CSRNP3: variants seen among roughly 807,000 people sequenced by gnomAD.
The protein encoded by CSRNP3 is cysteine/serine-rich nuclear protein 3.
A neutral mutation model predicts 48.0 loss-of-function variants in CSRNP3; 12 were observed. The ratio of observed to expected loss-of-function variants is 0.25; its 90% CI spans 0.16 to 0.41. CSRNP3 has a LOEUF of 0.41. Ranked by LOEUF, CSRNP3 falls within the 10% of genes least tolerant of loss-of-function variation. The probability of loss-of-function intolerance (pLI) is 1.00; values close to 1 mark genes in which losing one functional copy is unlikely to be tolerated. For synonymous variants in CSRNP3, 263 were observed against 269.7 expected (o/e 0.98, Z 0.24); for missense variants, 580 against 724.4 (o/e 0.80, Z 2.29).
At chr2:165,559,796 C>CTTTTTTT (rs11313094) in intron 3 of CSRNP3, among the ~76,000 whole-genome samples, 82 of 98,392 alleles carry the variant, frequency 8.3e-4, no homozygotes, top group African/African-American at 9.6e-4. Flanking sequence ...TTCTTTCTTT[C>CTTTTTTT]TTTTTTTTTT....
intron 3 of CSRNP3, among the ~76,000 whole-genome samples, chr2:165,524,275 A>G (rs1323669023): frequency 6.6e-6 from 1 of 152,184 alleles, no homozygotes; most frequent in Non-Finnish European, 1.5e-5. Flanking sequence ...CAATTCTTTA[A>G]CTACTTGGGG....
At chr2:165,676,694 T>TACA in intron 6 of CSRNP3, 86 bp downstream of exon 6, 3 of 1,256,386 alleles carry the variant, frequency 2.4e-6, no homozygotes, top group Non-Finnish European at 3.3e-6. Flanking sequence ...ATAATGAAGC[T>TACA]TCCCACATGT....
At chr2:165,575,314 A>G (rs1371669619) in intron 3 of CSRNP3, among the ~76,000 whole-genome samples, 5 of 152,170 alleles carry the variant, frequency 3.3e-5, no homozygotes, top group African/African-American at 4.8e-5. Flanking sequence ...AAACAGTACA[A>G]TCAAACTGTT....
Position 165,569,223 on chromosome 2 carries a change from G to T in CSRNP3, c.-23-25820G>T, listed in dbSNP as rs965260883. Among the ~76,000 whole-genome samples the T allele has an allele frequency of 2.0e-5, 3 of 152,170 alleles. No homozygotes were observed. In the South Asian group the frequency reaches 6.2e-4, roughly 32 times the overall value. On this transcript the variant is annotated intron_variant, in intron 3 of 6. Transcript: ENST00000651982. ...ACTTCTCTGAATGTGTTGTGAAGGA[G>T]AAGAAAATATAGCAAGAAAATCCAG...
chr2:165,624,451 C>T (rs1686394452), intron 4 of CSRNP3, among the ~76,000 whole-genome samples: 1 of 152,130 alleles, frequency 6.6e-6, no homozygotes, highest in Non-Finnish European at 1.5e-5. Context: ...GATTTAAGCT[C>T]ACAATTTCCT....
At position 165,679,802 on chromosome 2, in the gene CSRNP3, A is replaced by G. The variant is rs1687502537; in HGVS notation, c.*49A>G. Reference sequence around the variant, plus strand: ...ACTCTTCTCTTATTTAAGGCACTGTATTTAATTGGATTTCCTGGGCTCATC... The same window carrying G: ...ACTCTTCTCTTATTTAAGGCACTGTGTTTAATTGGATTTCCTGGGCTCATC... On this transcript the variant is annotated 3_prime_UTR_variant, in exon 7 of 7. Transcript: ENST00000651982. 1.3e-6 allele frequency: 2 copies of G among 1,551,038 alleles called. No homozygotes were observed. The highest frequency in any genetic ancestry group is 1.7e-6 in the Non-Finnish European group (2 of 1,149,710).
chr2:165,517,226 C>T (rs1276167327), intron 2 of CSRNP3, among the ~76,000 whole-genome samples: 1 of 151,962 alleles, frequency 6.6e-6, no homozygotes, highest in Non-Finnish European at 1.5e-5. Context: ...CGGGTTTCAT[C>T]ATCTGTCTAA....
chr2:165,651,858 G>T (rs929188601), intron 4 of CSRNP3, among the ~76,000 whole-genome samples: 1 of 151,932 alleles, frequency 6.6e-6, no homozygotes, highest in African/African-American at 2.4e-5. Flanking sequence ...ATTTCACCAT[G>T]CTGGCCAGGC....
intron 4 of CSRNP3, among the ~76,000 whole-genome samples, chr2:165,614,034 G>A (rs1349416466): frequency 6.6e-6 from 1 of 151,982 alleles, no homozygotes; most frequent in Non-Finnish European, 1.5e-5. Context: ...CTGTGAGCAT[G>A]GATGTCTTAC....
intron 4 of CSRNP3, among the ~76,000 whole-genome samples, chr2:165,613,341 G>C (rs180939141): frequency 1.8e-4 from 27 of 152,010 alleles, no homozygotes; most frequent in African/African-American, 5.5e-4. Context: ...TGAATAGTTT[G>C]AAAATATTTT....
intron 3 of CSRNP3, among the ~76,000 whole-genome samples, chr2:165,584,027 T>C (rs1016421191): frequency 2.0e-5 from 3 of 152,142 alleles, no homozygotes; most frequent in East Asian, 1.9e-4. Context: ...CTTGTATAAA[T>C]AGGATGAACA....
At chr2:165,572,269 T>C (rs745605675) in intron 3 of CSRNP3, 2 of 152,056 alleles carry the variant, frequency 1.3e-5, no homozygotes, top group African/African-American at 2.4e-5. Context: ...AAAATATCCA[T>C]AGACACAGTG....
At chr2:165,492,088 C>G (rs146296980) in intron 1 of CSRNP3, among the ~76,000 whole-genome samples, 80 of 152,168 alleles carry the variant, frequency 5.3e-4, no homozygotes, top group Middle Eastern at 3.4e-3. Flanking sequence ...ACTCCCACCC[C>G]AAAGGAACTA....
Position 165,682,724 on chromosome 2 carries a change from A to G in CSRNP3, c.*2971A>G, listed in dbSNP as rs1687567498. 2 of 152,170 alleles carry G rather than the reference A, an allele frequency of 1.3e-5. No individual in the cohort carries two copies. Among genetic ancestry groups the G allele is most frequent in the South Asian group, 4.1e-4 (2 of 4,822 alleles). 9.4% of individuals were successfully genotyped at this position (152,170 alleles called of 1,614,324 possible). The stretch of plus-strand genomic sequence containing the variant: ...TTCCAGCTGACTTTTTTTTCCATTA[A>G]TAGCCGTTCTATTCAACAAAGAGCT... On this transcript the variant is annotated 3_prime_UTR_variant, in exon 7 of 7. Transcript: ENST00000651982.
intron 3 of CSRNP3, among the ~76,000 whole-genome samples, chr2:165,578,310 A>G (rs767441673): frequency 6.6e-6 from 1 of 152,058 alleles, no homozygotes; most frequent in Non-Finnish European, 1.5e-5. Flanking sequence ...CCACATATTC[A>G]TTTAGAAATG....
intron 3 of CSRNP3, among the ~76,000 whole-genome samples, chr2:165,540,100 T>A (rs1159603757): frequency 6.6e-6 from 1 of 152,104 alleles, no homozygotes; most frequent in African/African-American, 2.4e-5. Flanking sequence ...CCTATTACTA[T>A]TCCTGGATAG....
At position 165,482,421 on chromosome 2, in the gene CSRNP3, G is replaced by A. The variant is rs756192182; in HGVS notation, c.-282-12338G>A. On this transcript the variant is annotated intron_variant, in intron 1 of 6. Transcript: ENST00000651982. ...TGGGACTACAGGCACGCCCCACTAC[G>A]CTGGGCCAGTTTTTGTATTTTTTTG... is the stretch of plus-strand genomic sequence containing the variant. Among the ~76,000 whole-genome samples the A allele has an allele frequency of 4.6e-5, 7 of 152,040 alleles. No homozygotes were observed. The South Asian group carries it at 8.3e-4, about 18-fold the overall frequency.
intron 3 of CSRNP3, among the ~76,000 whole-genome samples, chr2:165,574,891 A>G (rs1685423975): frequency 6.6e-6 from 1 of 152,120 alleles, no homozygotes; most frequent in Non-Finnish European, 1.5e-5. Context: ...TTTAATAAGT[A>G]TATTTTCATT....
At chr2:165,551,107 C>T (rs983573587) in intron 3 of CSRNP3, among the ~76,000 whole-genome samples, 3 of 152,096 alleles carry the variant, frequency 2.0e-5, no homozygotes, top group Non-Finnish European at 2.9e-5. Flanking sequence ...CAAATATTCC[C>T]GAGCTTTAGA....
Sources: allele counts gnomAD v4.1 joint callset (sites outside exome capture counted in the v4.1 genomes callset), GRCh38; gene constraint gnomAD v4.1.1; transcripts MANE v1.5; gene names NCBI Gene and HGNC (gene_info 2026-07-23, HGNC 2026-07-21).